Variants in KLHL7 observed in about 807,000 individuals in gnomAD.
KLHL7 encodes the protein kelch-like protein 7.
In KLHL7, 44 loss-of-function variants were observed where a neutral mutation model predicts 67.4. The ratio of observed to expected loss-of-function variants is 0.65; its 90% CI spans 0.51 to 0.84. The LOEUF is 0.84. Among genes scored for constraint, KLHL7 ranks in the 40% least tolerant of loss-of-function variants. The pLI, the probability that KLHL7 is intolerant of heterozygous loss-of-function variation, is 0.00. For missense variants in KLHL7, 362 were observed against 718.1 expected, an observed-to-expected ratio of 0.50 and a Z score of 5.67; for synonymous variants, 252 against 243.3, an observed-to-expected ratio of 1.04 and a Z score of -0.33.
intron 6 of KLHL7, 22 bp from the exon 7 acceptor site, chr7:23,152,045 G>A (rs2141306): frequency 0.36 from 581,877 of 1,609,716 alleles, 111,378 homozygotes; most frequent in African/African-American, 0.69. Flanking sequence ...TTCTTGAAGC[G>A]TTGCCATGTA....
chr7:23,145,516 A>T (rs1300953739), intron 6 of KLHL7, among the ~76,000 whole-genome samples: 1 of 152,192 alleles, frequency 6.6e-6, no homozygotes, highest in East Asian at 1.9e-4. Context: ...GAGTTATTAC[A>T]AAACTGATAG....
chr7:23,166,800 G>A (rs957934426), intron 8 of KLHL7, among the ~76,000 whole-genome samples: 7 of 152,026 alleles, frequency 4.6e-5, no homozygotes, highest in East Asian at 3.8e-4. Context: ...CTGTTCTGTG[G>A]TACTGCAGAT....
chr7:23,124,726 A>G lies in KLHL7; in HGVS notation c.262A>G (p.Lys88Glu). The G allele has an allele frequency of 2.5e-6, 4 of 1,612,598 alleles. No individual in the cohort carries two copies. The highest frequency in any genetic ancestry group is 3.4e-6 in the Non-Finnish European group (4 of 1,178,580). ...ATCAAAGTCCTTTGAAGTAGAACTCAAAGATGCTGAACCTGATATTATTGA... is the reference window on the plus strand; with the variant it reads ...ATCAAAGTCCTTTGAAGTAGAACTCGAAGATGCTGAACCTGATATTATTGA... ...LESKSFEVELKDAEPDIIEQL... is the reference protein window; with the variant it reads ...LESKSFEVELEDAEPDIIEQL... The change falls in exon 3 of 11, where the codon AAA (lysine) becomes GAA (glutamate). Residue 88 changes from lysine to glutamate, a missense_variant. Lys to Glu is a moderately conservative substitution (Grantham distance 56). This residue lies in a region of KLHL7 where 155 missense variants were observed against 280.8 expected (regional missense o/e 0.55). Coordinates refer to ENST00000339077, the MANE Select transcript of KLHL7 (RefSeq NM_001031710.3).
Position 23,143,901 on chromosome 7 carries a change from G to A in KLHL7, c.669G>A (p.Gln223=). ...RWLKYDEPNR[Q]PFMVDILAKV... The stretch of plus-strand genomic sequence containing the variant: ...TGAAATACGATGAACCTAATCGCCA[G>A]CCATTTATGGTTGATATCCTTGCTA... The change falls in exon 6 of 11, where the codon CAG becomes CAA. Residue 223 remains glutamine (Q), a synonymous_variant. Transcript: ENST00000339077. 1 of 1,614,148 alleles carries A rather than the reference G, an allele frequency of 6.2e-7. No individual in the cohort carries two copies. The highest frequency in any genetic ancestry group is 8.5e-7 in the Non-Finnish European group (1 of 1,179,998).
chr7:23,124,226 C>T (rs1399954181), intron 2 of KLHL7, among the ~76,000 whole-genome samples: 30 of 129,546 alleles, frequency 2.3e-4, no homozygotes, highest in Admixed American at 2.1e-3. Context: ...AAAAAAAGCC[C>T]AGGGTTTTCT....
intron 4 of KLHL7, chr7:23,125,617 A>G (rs953625143): frequency 2.1e-6 from 2 of 969,948 alleles, no homozygotes; most frequent in East Asian, 5.4e-5. Flanking sequence ...ATTCTTAGCT[A>G]CTACACCTTG....
intron 4 of KLHL7, among the ~76,000 whole-genome samples, chr7:23,131,012 A>G (rs1783778859): frequency 6.6e-6 from 1 of 152,234 alleles, no homozygotes; most frequent in Non-Finnish European, 1.5e-5. Context: ...TCCTGATGAC[A>G]TTGATACCTG....
chr7:23,138,935 C>G (rs536210108), intron 4 of KLHL7, among the ~76,000 whole-genome samples: 1 of 152,216 alleles, frequency 6.6e-6, no homozygotes, highest in East Asian at 1.9e-4. Context: ...TGTTCTAAAT[C>G]TCTAGAAAGG....
chr7:23,148,408 A>C (rs2128466095), intron 6 of KLHL7, among the ~76,000 whole-genome samples: 1 of 115,196 alleles, frequency 8.7e-6, no homozygotes, highest in African/African-American at 5.0e-5. Flanking sequence ...AAAAAAAAAA[A>C]AACAGCAGCC....
chr7:23,153,234 A>G (rs1465294913), intron 7 of KLHL7, among the ~76,000 whole-genome samples: 2 of 152,134 alleles, frequency 1.3e-5, no homozygotes, highest in Non-Finnish European at 2.9e-5. Flanking sequence ...CGGGGGGGCT[A>G]CAACGCTTCT....
At chr7:23,165,578 T>C in intron 7 of KLHL7, 120 bp from the exon 8 acceptor site, 5 of 1,157,102 alleles carry the variant, frequency 4.3e-6, no homozygotes, top group Non-Finnish European at 6.3e-6. Context: ...AGCCAAACAT[T>C]TGTATGTGTA....
intron 4 of KLHL7, among the ~76,000 whole-genome samples, chr7:23,137,065 A>T (rs1267669481): frequency 1.3e-5 from 2 of 152,200 alleles, no homozygotes; most frequent in African/African-American, 4.8e-5. Context: ...TGGGCGGATC[A>T]CCTGAGGTCA....
chr7:23,137,847 A>G (rs1429291798), intron 4 of KLHL7, among the ~76,000 whole-genome samples: 2 of 129,096 alleles, frequency 1.5e-5, no homozygotes, highest in South Asian at 2.5e-4. Context: ...GATTACAGGC[A>G]TAAACCACTG....
intron 7 of KLHL7, among the ~76,000 whole-genome samples, chr7:23,162,369 T>C (rs898256220): frequency 2.0e-5 from 3 of 152,222 alleles, no homozygotes; most frequent in African/African-American, 7.2e-5. Context: ...GCATAGTTCC[T>C]GGAAAGGTAA....
intron 7 of KLHL7, among the ~76,000 whole-genome samples, chr7:23,162,047 A>G (rs1784868598): frequency 6.6e-6 from 1 of 152,230 alleles, no homozygotes; most frequent in Non-Finnish European, 1.5e-5. Flanking sequence ...GAGATCCAAC[A>G]ATGACAATTC....
At chr7:23,139,235 AGTT>A in intron 4 of KLHL7, among the ~76,000 whole-genome samples, 1 of 152,290 alleles carries the variant, frequency 6.6e-6, no homozygotes. Context: ...AAAAAAATGA[AGTT>A]TATTTTAAAA....
At chr7:23,144,289 T>C (rs1253932908) in intron 6 of KLHL7, among the ~76,000 whole-genome samples, 1 of 152,224 alleles carries the variant, frequency 6.6e-6, no homozygotes, top group Non-Finnish European at 1.5e-5. Context: ...TCATGCGCTT[T>C]TGTTTCTAGT....
chr7:23,155,482 G>C (rs1784673821), intron 7 of KLHL7, among the ~76,000 whole-genome samples: 1 of 151,888 alleles, frequency 6.6e-6, no homozygotes, highest in South Asian at 2.1e-4. Flanking sequence ...GGGCAACATG[G>C]TGAAACCCCA....
intron 4 of KLHL7, among the ~76,000 whole-genome samples, chr7:23,138,165 G>C (rs1784048133): frequency 1.3e-5 from 2 of 150,908 alleles, no homozygotes; most frequent in Non-Finnish European, 3.0e-5. Flanking sequence ...AACAGACTGA[G>C]ACTCCGTCTC....
Sources: gnomAD v4.1 joint callset for allele counts (sites outside exome capture counted in the v4.1 genomes callset) on GRCh38, gnomAD v4.1.1 for gene constraint, gnomAD v4.1.1 regional missense constraint, MANE v1.5 for transcripts, NCBI Gene and HGNC (gene_info 2026-07-23, HGNC 2026-07-21) for gene names.